Variants in WNT2B observed in about 807,000 individuals in gnomAD.
The protein encoded by WNT2B is Wnt family member 2B.
A neutral mutation model predicts 40.5 loss-of-function variants in WNT2B; 19 were observed. The observed-to-expected ratio is 0.47, with a 90% CI of 0.33 to 0.69. The LOEUF is 0.69. Ranked by LOEUF, WNT2B falls within the 30% of genes least tolerant of loss-of-function variation. WNT2B has a pLI of 0.02. For missense variants in WNT2B, 467 were observed against 556.4 expected (o/e 0.84, Z 1.62); for synonymous variants, 220 against 211.9 (o/e 1.04, Z -0.33).
At chr1:112,473,206 G>A (rs1570759881) in intron 1 of WNT2B, among the ~76,000 whole-genome samples, 2 of 143,158 alleles carry the variant, frequency 1.4e-5, no homozygotes, top group South Asian at 2.3e-4. Flanking sequence ...GGGAGGGAAG[G>A]AGGGAGGGAG....
chr1:112,495,853 G>A (rs564664706), intron 1 of WNT2B, among the ~76,000 whole-genome samples: 4 of 152,206 alleles, frequency 2.6e-5, no homozygotes, highest in African/African-American at 9.6e-5. Context: ...AGATCGAGGT[G>A]CTGGCAGGTT....
At chr1:112,493,116 TCA>T in intron 1 of WNT2B, among the ~76,000 whole-genome samples, 1 of 152,268 alleles carries the variant, frequency 6.6e-6, no homozygotes, top group African/African-American at 2.4e-5. Context: ...AAAACTGTGA[TCA>T]ATATGTTAAG....
chr1:112,525,540 T>A lies in WNT2B; in HGVS notation c.*5031T>A. 6.7e-6 allele frequency: 1 copy of A among 148,952 alleles called. No homozygotes were observed. 9.2% of individuals were successfully genotyped at this position (148,952 alleles called of 1,614,324 possible). On this transcript the variant is annotated 3_prime_UTR_variant, in exon 5 of 5. Coordinates refer to ENST00000369684, the MANE Select transcript of WNT2B (RefSeq NM_024494.3). ...ATCTCGGTGGCTATTCCTCATTTACTTAAGATGTTTTAGTCATTCTGGATG... is the reference window on the plus strand; with the variant it reads ...ATCTCGGTGGCTATTCCTCATTTACATAAGATGTTTTAGTCATTCTGGATG...
In WNT2B at chr1:112,525,995, A is replaced by C; in HGVS notation, c.*5486A>C. ...AAAATTTGGTGATTTGTCCAAGGTC[A>C]CATGAACAGTGCGTGGCTCAGCCAG... On this transcript the variant is annotated 3_prime_UTR_variant, in exon 5 of 5. Coordinates refer to ENST00000369684, the MANE Select transcript of WNT2B (RefSeq NM_024494.3). 1 of 1,613,952 alleles carries C rather than the reference A, an allele frequency of 6.2e-7. No individual in the cohort carries two copies.
chr1:112,473,303 GCAGA>G (rs1273658334), intron 1 of WNT2B, among the ~76,000 whole-genome samples: 4 of 151,924 alleles, frequency 2.6e-5, no homozygotes, highest in African/African-American at 9.7e-5. Flanking sequence ...GACAGAAATA[GCAGA>G]CAATTACATT....
Position 112,516,266 on chromosome 1 carries a change from A to G in WNT2B, c.530A>G (p.His177Arg), listed in dbSNP as rs1557921861. The change falls in exon 3 of 5, where the codon CAT (histidine) becomes CGT (arginine). Residue 177 changes from histidine (H) to arginine (R), a missense_variant. Transcript: ENST00000369684. ...SCDPYTRGRH[H>R]DQRGDFDWGG... ...GACCCCTACACCCGTGGCCGACACC[A>G]TGACCAGCGTGGGGACTTTGACTGG... is the stretch of plus-strand genomic sequence containing the variant. 1 of 1,614,052 alleles carries G rather than the reference A, an allele frequency of 6.2e-7. No homozygotes were observed. Among genetic ancestry groups the G allele is most frequent in the Non-Finnish European group, 8.5e-7 (1 of 1,179,992 alleles).
At chr1:112,470,663 G>A (rs546940290) in intron 1 of WNT2B, among the ~76,000 whole-genome samples, 1 of 152,304 alleles carries the variant, frequency 6.6e-6, no homozygotes, top group South Asian at 2.1e-4. Flanking sequence ...CTATGCATGA[G>A]CCTAAGCACT....
In WNT2B at chr1:112,515,800, A is replaced by G. The variant is rs1652510110; in HGVS notation, c.404-340A>G. Among the ~76,000 whole-genome samples the G allele has an allele frequency of 6.6e-6, 1 of 152,238 alleles. No individual in the cohort carries two copies. The highest frequency in any genetic ancestry group is 1.5e-5 in the Non-Finnish European group (1 of 68,040). ...CTGGAATGTGGACTAAGGCAGGCTTAGCTGAGCCAGTGCTGGCACTCAGTG... is the reference window on the plus strand; with the variant it reads ...CTGGAATGTGGACTAAGGCAGGCTTGGCTGAGCCAGTGCTGGCACTCAGTG... On this transcript the variant is annotated intron_variant, in intron 2 of 4. Transcript: ENST00000369684. This position sits in a 1 kb window ranked among gnomAD's most constrained non-coding sequence, Gnocchi z 4.4.
rs2273368 is a variant in WNT2B at position 112,521,149 on chromosome 1, C to G, written c.*640C>G. 6.5e-6 allele frequency: 1 copy of G among 152,814 alleles called. No individual in the cohort carries two copies. The allele number at this position is 152,814 out of a possible 1,614,324, so 9.5% of individuals were successfully genotyped here. A position where few individuals can be genotyped will look rare whatever the true frequency, so the allele number is the denominator to read the frequency against. Reference sequence around the variant, plus strand: ...ATTCATTCTCTCTTTTTCTCTCTACCATTCTCAACCTGTATTGGACAGCAC... The same window carrying G: ...ATTCATTCTCTCTTTTTCTCTCTACGATTCTCAACCTGTATTGGACAGCAC... On this transcript the variant is annotated 3_prime_UTR_variant, in exon 5 of 5. Coordinates refer to ENST00000369684, the MANE Select transcript of WNT2B (RefSeq NM_024494.3).
At chr1:112,519,180 T>C (rs1652720698) in intron 4 of WNT2B, among the ~76,000 whole-genome samples, 1 of 152,184 alleles carries the variant, frequency 6.6e-6, no homozygotes, top group South Asian at 2.1e-4. Flanking sequence ...ACATTCTGGA[T>C]CCTTTACTCC....
chr1:112,513,120 T>TA lies in WNT2B; in HGVS notation c.183-1745dup, dbSNP rs1195880509. Among the ~76,000 whole-genome samples the TA allele has an allele frequency of 5.2e-4, 73 of 139,910 alleles. 1 individual carries two copies. The East Asian group carries it at 7.0e-3, about 13-fold the overall frequency. The allele number at this position is 139,910 out of a possible 152,430, so 91.8% of individuals were successfully genotyped here. ...CCAACCCTCCTCACCCAAGCCCCAT[T>TA]AAAAAAAAACAAAAAAACACACCCA... On this transcript the variant is annotated intron_variant, in intron 1 of 4. Coordinates refer to ENST00000369684, the MANE Select transcript of WNT2B (RefSeq NM_024494.3).
chr1:112,508,382 T>C (rs1160183337), upstream of WNT2B, among the ~76,000 whole-genome samples: 2 of 149,364 alleles, frequency 1.3e-5, no homozygotes, highest in Non-Finnish European at 3.0e-5. This position sits in a 1 kb window ranked among gnomAD's most constrained non-coding sequence, Gnocchi z 4.2. Flanking sequence ...ACGTGATGCA[T>C]TGGGGGTGGG....
rs1309170618 is a variant in WNT2B, at chr1:112,512,534, G to C, written c.183-2340G>C. Among the ~76,000 whole-genome samples the C allele has an allele frequency of 3.9e-5, 6 of 152,332 alleles. No homozygotes were observed. The East Asian group carries it at 7.7e-4, about 20-fold the overall frequency. On this transcript the variant is annotated intron_variant, in intron 1 of 4. Transcript: ENST00000369684. Reference sequence around the variant, plus strand: ...TGTATGCCTCACTTTGTCAAATGAAGGGATGTGAATTGGCCAAAAGCAGGT... The same window carrying C: ...TGTATGCCTCACTTTGTCAAATGAACGGATGTGAATTGGCCAAAAGCAGGT...
chr1:112,527,195 A>G lies in WNT2B; in HGVS notation c.*6686A>G, dbSNP rs567710289. On this transcript the variant is annotated 3_prime_UTR_variant, in exon 5 of 5. Transcript: ENST00000369684. ...CTACCTATCCTAATCCTGCACCCCA[A>G]CTGTTAAGACAGAAGGGAAAAGTAC... 1 of 152,420 alleles carries G rather than the reference A, an allele frequency of 6.6e-6. No individual in the cohort carries two copies. Among genetic ancestry groups the G allele is most frequent in the African/African-American group, 2.4e-5 (1 of 41,582 alleles). 9.4% of individuals were successfully genotyped at this position (152,420 alleles called of 1,614,324 possible).
Position 112,509,348 on chromosome 1 carries a change from C to G in WNT2B, c.86C>G (p.Ala29Gly), listed in dbSNP as rs1393540699. The G allele has an allele frequency of 6.3e-7, 1 of 1,593,562 alleles. No homozygotes were observed. The highest frequency in any genetic ancestry group is 2.3e-5 in the East Asian group (1 of 43,832). Residue 29 changes from alanine (A) to glycine (G), a missense_variant, in exon 1 of 5, where the codon GCC becomes GGC. Physicochemically the swap from Ala to Gly is moderately conservative, Grantham distance 60 (BLOSUM62 0). Around this residue, in one of 2 missense-constraint regions of WNT2B, gnomAD observed 137 missense variants for 117.7 expected, o/e 1.16. Transcript: ENST00000369684. This position sits in a 1 kb window ranked among gnomAD's most constrained non-coding sequence, Gnocchi z 4.2. ...SAPVPVPSPA[A>G]PDGSRASARL... The stretch of plus-strand genomic sequence containing the variant: ...CCGGTCCCTGTGCCGTCGCCCGCGG[C>G]CCCCGACGGCTCCCGGGCTTCGGCC...
upstream of WNT2B, among the ~76,000 whole-genome samples, chr1:112,506,042 C>T (rs1185907117): frequency 6.6e-6 from 1 of 152,146 alleles, no homozygotes; most frequent in Non-Finnish European, 1.5e-5. Flanking sequence ...GGGTCTCACT[C>T]TGTTGCCCAG....
chr1:112,515,776 T>C lies in WNT2B; in HGVS notation c.404-364T>C, dbSNP rs1035384804. 3.9e-5 allele frequency among the ~76,000 whole-genome samples: 6 copies of C among 152,152 alleles called. No individual in the cohort carries two copies. The highest frequency in any genetic ancestry group is 1.4e-4 in the African/African-American group (6 of 41,432). ...CCAGCAGAGTGGGCCTGAAAAGGCCTGGAATGTGGACTAAGGCAGGCTTAG... is the reference window on the plus strand; with the variant it reads ...CCAGCAGAGTGGGCCTGAAAAGGCCCGGAATGTGGACTAAGGCAGGCTTAG... On this transcript the variant is annotated intron_variant, in intron 2 of 4. Coordinates refer to ENST00000369684, the MANE Select transcript of WNT2B (RefSeq NM_024494.3). The surrounding 1 kb of genome is among the most constrained non-coding windows in gnomAD (Gnocchi z 4.4).
At chr1:112,501,923 G>C (rs1651966711) in intron 1 of WNT2B, among the ~76,000 whole-genome samples, 1 of 152,174 alleles carries the variant, frequency 6.6e-6, no homozygotes, top group African/African-American at 2.4e-5. Context: ...GGTTTTCTTC[G>C]GGCAGAAACG....
intron 1 of WNT2B, among the ~76,000 whole-genome samples, chr1:112,484,838 AG>A (rs1299449374): frequency 6.6e-6 from 1 of 152,200 alleles, no homozygotes; most frequent in Non-Finnish European, 1.5e-5. Flanking sequence ...CTAAATGTAA[AG>A]ATATCTGACA....
Sources: gnomAD v4.1 joint callset for allele counts (sites outside exome capture counted in the v4.1 genomes callset) on GRCh38, gnomAD v4.1.1 for gene constraint, gnomAD v4.1.1 regional missense constraint, Gnocchi (gnomAD v3.1) non-coding constraint, MANE v1.5 for transcripts, NCBI Gene and HGNC (gene_info 2026-07-23, HGNC 2026-07-21) for gene names.